NECTIN1: variants seen among roughly 807,000 people sequenced by gnomAD.
NECTIN1 encodes nectin cell adhesion molecule 1.
A neutral mutation model predicts 48.0 loss-of-function variants in NECTIN1; 23 were observed. The observed-to-expected ratio is 0.48, with a 90% CI of 0.34 to 0.68. The LOEUF is 0.68. Among genes scored for constraint, NECTIN1 ranks in the 30% least tolerant of loss-of-function variants. The pLI is 0.01. For synonymous variants in NECTIN1, 270 were observed against 288.9 expected (o/e 0.93, Z 0.66); for missense variants, 591 against 709.9 (o/e 0.83, Z 1.90).
downstream of NECTIN1, chr11:119,656,477 G>A (rs983768344): frequency 6.6e-6 from 1 of 152,250 alleles, no homozygotes; most frequent in Non-Finnish European, 1.5e-5. Context: ...GGCAGCTTGT[G>A]CCGTTCTGTT....
intron 1 of NECTIN1, among the ~76,000 whole-genome samples, chr11:119,722,993 G>A (rs902983833): frequency 1.9e-4 from 29 of 152,202 alleles, no homozygotes; most frequent in Middle Eastern, 3.4e-3. Context: ...TGAGGTGAGC[G>A]GATCATGAGA....
chr11:119,662,162 A>G lies in NECTIN1; in HGVS notation c.*2585T>C. ...TTTATTTCATTTCCAGCAAAGCAGA[A>G]GCTCAGCTCATGCTGTGGGCATGAA... On this transcript the variant is annotated 3_prime_UTR_variant, in exon 6 of 6. Transcript: ENST00000264025. The surrounding 1 kb of genome is among the most constrained non-coding windows in gnomAD (Gnocchi z 5.3). The G allele has an allele frequency of 1.0e-6, 1 of 985,458 alleles. No individual in the cohort carries two copies. Among genetic ancestry groups the G allele is most frequent in the Non-Finnish European group, 1.2e-6 (1 of 829,946 alleles). 61.0% of individuals were successfully genotyped at this position (985,458 alleles called of 1,614,324 possible).
chr11:119,669,484 T>C lies in NECTIN1; in HGVS notation c.1004-4187A>G, dbSNP rs117531340. 3.8e-3 allele frequency among the ~76,000 whole-genome samples: 584 copies of C among 152,066 alleles called. 12 individuals are homozygous for C. The East Asian group carries it at 0.057, about 15-fold the overall frequency. On this transcript the variant is annotated intron_variant, in intron 5 of 5. Coordinates refer to ENST00000264025, the MANE Select transcript of NECTIN1 (RefSeq NM_002855.5). ...CCATCACTACCACCCTGATCCAAGATACTCTCATCTTTCATCTGGATTATT... is the reference window on the plus strand; with the variant it reads ...CCATCACTACCACCCTGATCCAAGACACTCTCATCTTTCATCTGGATTATT...
chr11:119,671,779 C>T lies in NECTIN1; in HGVS notation c.1003+3380G>A, dbSNP rs567725837. 9.2e-5 allele frequency among the ~76,000 whole-genome samples: 14 copies of T among 152,320 alleles called. 1 individual carries two copies. The East Asian group carries it at 2.7e-3, about 29-fold the overall frequency. On this transcript the variant is annotated intron_variant, in intron 5 of 5. Coordinates refer to ENST00000264025, the MANE Select transcript of NECTIN1 (RefSeq NM_002855.5). ...TGCAGCAGCTGTGCCTCGTGTCAGA[C>T]CATCAGGCAGGGCCTCGGCAAGCTG...
intron 5 of NECTIN1, among the ~76,000 whole-genome samples, chr11:119,670,702 A>G (rs1591453025): frequency 7.5e-6 from 1 of 132,582 alleles, no homozygotes; most frequent in Admixed American, 8.8e-5. Flanking sequence ...GCTGGAGTGC[A>G]GTGGCACGAT....
chr11:119,685,846 G>C (rs144842054), intron 1 of NECTIN1, among the ~76,000 whole-genome samples: 2 of 152,320 alleles, frequency 1.3e-5, no homozygotes, highest in African/African-American at 4.8e-5. Context: ...TTGTTTTTCT[G>C]TATGGCCTTG....
Position 119,664,089 on chromosome 11 carries a change from CA to C in NECTIN1, c.*657del. On this transcript the variant is annotated 3_prime_UTR_variant, in exon 6 of 6. Coordinates refer to ENST00000264025, the MANE Select transcript of NECTIN1 (RefSeq NM_002855.5). ...TAGGCCAACTCCACTCTCTGTGGGC[CA>C]ATGAGGAAAAAAAATGTAAAACCAC... 1.0e-6 allele frequency: 1 copy of C among 985,580 alleles called. No individual in the cohort carries two copies. The highest frequency in any genetic ancestry group is 1.2e-6 in the Non-Finnish European group (1 of 830,094). 61.1% of individuals were successfully genotyped at this position (985,580 alleles called of 1,614,324 possible). A position where few individuals can be genotyped will look rare whatever the true frequency, so the allele number is the denominator to read the frequency against.
At chr11:119,674,079 T>G (rs1262353568) in intron 5 of NECTIN1, among the ~76,000 whole-genome samples, 3 of 151,808 alleles carry the variant, frequency 2.0e-5, no homozygotes, top group Non-Finnish European at 4.4e-5. Flanking sequence ...ACAAATGAGG[T>G]CTCCCACTCC....
In NECTIN1 at chr11:119,664,270, G is replaced by C. The variant is rs552075519; in HGVS notation, c.*477C>G. On this transcript the variant is annotated 3_prime_UTR_variant, in exon 6 of 6. Coordinates refer to ENST00000264025, the MANE Select transcript of NECTIN1 (RefSeq NM_002855.5). ...GCTGCATCAGATTTCACTGGTGGGT[G>C]TTGGGTTCCCTCTAGCCGGGAGGAG... The C allele has an allele frequency of 1.0e-6, 1 of 996,642 alleles. No individual in the cohort carries two copies. The highest frequency in any genetic ancestry group is 1.7e-5 in the African/African-American group (1 of 57,566). The allele number at this position is 996,642 out of a possible 1,614,324, so 61.7% of individuals were successfully genotyped here. A position where few individuals can be genotyped will look rare whatever the true frequency, so the allele number is the denominator to read the frequency against.
rs1565376512 is a variant in NECTIN1, at chr11:119,648,298, G to GTGA, written c.1004-8287_1004-8286insTCA. 2.6e-3 allele frequency among the ~76,000 whole-genome samples: 46 copies of GTGA among 17,996 alleles called. 5 individuals are homozygous for GTGA. The South Asian group carries it at 0.065, about 25-fold the overall frequency. 11.8% of individuals were successfully genotyped at this position (17,996 alleles called of 152,430 possible). A position where few individuals can be genotyped will look rare whatever the true frequency, so the allele number is the denominator to read the frequency against. ...GGTGATGGTGGTGGTGATGGTGGTG[G>GTGA]TGGTGGTGATGGTGGTGATGGTGAT... On this transcript the variant is annotated intron_variant, in intron 5 of 7. Transcript: ENST00000341398.
In NECTIN1 at chr11:119,677,444, A is replaced by C. The variant is rs998832728; in HGVS notation, c.733+111T>G. On this transcript the variant is annotated intron_variant, in intron 3 of 5. Transcript: ENST00000264025. The surrounding 1 kb of genome is among the most constrained non-coding windows in gnomAD (Gnocchi z 5.4). Reference sequence around the variant, plus strand: ...AAAGGGAGGAGATAGGGGAGACAGGAGGGGAGAAGAAAGCACCCCCAGAAA... The same window carrying C: ...AAAGGGAGGAGATAGGGGAGACAGGCGGGGAGAAGAAAGCACCCCCAGAAA... 8.0e-7 allele frequency: 1 copy of C among 1,244,578 alleles called. No homozygotes were observed. The highest frequency in any genetic ancestry group is 1.5e-5 in the African/African-American group (1 of 67,450). 77.1% of individuals were successfully genotyped at this position (1,244,578 alleles called of 1,614,324 possible). A position where few individuals can be genotyped will look rare whatever the true frequency, so the allele number is the denominator to read the frequency against.
In NECTIN1 at chr11:119,678,984, T is replaced by A. The variant is rs1865013586; in HGVS notation, c.80-219A>T. Among the ~76,000 whole-genome samples, 1 of 152,230 alleles carries A rather than the reference T, an allele frequency of 6.6e-6. No individual in the cohort carries two copies. Among genetic ancestry groups the A allele is most frequent in the Admixed American group, 6.5e-5 (1 of 15,286 alleles). ...CATGATCCTTCCGCTCAGGATAATC[T>A]TGAAGGATCTATCTCCTTTTACTTT... On this transcript the variant is annotated intron_variant, in intron 1 of 5. Transcript: ENST00000264025. This position sits in a 1 kb window ranked among gnomAD's most constrained non-coding sequence, Gnocchi z 4.4.
rs1864909090 is a variant in NECTIN1 at position 119,674,315 on chromosome 11, T to C, written c.1003+844A>G. On this transcript the variant is annotated intron_variant, in intron 5 of 5. Transcript: ENST00000264025. ...AAAAGACGCTCCCCATGTGAAGTTG[T>C]GATGGCAGTTTACCCCTGTGTGGAC... is the stretch of plus-strand genomic sequence containing the variant. 3.0e-6 allele frequency: 4 copies of C among 1,331,568 alleles called. No homozygotes were observed. The Middle Eastern group carries it at 8.6e-4, about 286-fold the overall frequency. 82.5% of individuals were successfully genotyped at this position (1,331,568 alleles called of 1,614,324 possible).
chr11:119,685,467 C>T (rs1645656444), intron 1 of NECTIN1, among the ~76,000 whole-genome samples: 1 of 152,224 alleles, frequency 6.6e-6, no homozygotes, highest in Admixed American at 6.5e-5. Flanking sequence ...CTCTGCTGCC[C>T]CGGCGTGGCA....
chr11:119,682,364 A>C (rs2099148143), intron 1 of NECTIN1, among the ~76,000 whole-genome samples: 1 of 152,176 alleles, frequency 6.6e-6, no homozygotes, highest in African/African-American at 2.4e-5. Flanking sequence ...CAGCAGAAAC[A>C]GGGGCTTAAA....
intron 5 of NECTIN1, among the ~76,000 whole-genome samples, chr11:119,647,321 C>T (rs1047794511): frequency 6.6e-6 from 1 of 151,742 alleles, no homozygotes; most frequent in African/African-American, 2.4e-5. Context: ...TCACCAGCAC[C>T]CCTGCCCCAC....
intron 5 of NECTIN1, among the ~76,000 whole-genome samples, chr11:119,668,398 G>A (rs1864811148): frequency 6.6e-6 from 1 of 152,186 alleles, no homozygotes; most frequent in Non-Finnish European, 1.5e-5. Context: ...GACCAGCAAT[G>A]GCTCCCCAAC....
chr11:119,722,992 C>T (rs1041946087), intron 1 of NECTIN1, among the ~76,000 whole-genome samples: 5 of 152,058 alleles, frequency 3.3e-5, no homozygotes, highest in Non-Finnish European at 5.9e-5. Context: ...CTGAGGTGAG[C>T]GGATCATGAG....
chr11:119,638,842 C>A (rs755400066), intron 6 of NECTIN1: 5 of 1,569,030 alleles, frequency 3.2e-6, no homozygotes, highest in Non-Finnish European at 4.4e-6. Flanking sequence ...AGCACAGGAG[C>A]ACACATGGGG....
Sources: gnomAD v4.1 joint callset for allele counts (sites outside exome capture counted in the v4.1 genomes callset) on GRCh38, gnomAD v4.1.1 for gene constraint, Gnocchi (gnomAD v3.1) non-coding constraint, MANE v1.5 for transcripts, NCBI Gene and HGNC (gene_info 2026-07-23, HGNC 2026-07-21) for gene names.